HORMAD2: variants seen among roughly 807,000 people sequenced by gnomAD.
HORMAD2 encodes HORMA domain containing 2, also known as HORMA domain-containing protein 2.
Under a neutral mutation model 38.8 loss-of-function variants are expected in HORMAD2, and 45 were observed. The ratio of observed to expected loss-of-function variants is 1.16; its 90% CI spans 0.91 to 1.49. The LOEUF is 1.49. Ranked by LOEUF, HORMAD2 falls within the 40% of genes most tolerant of loss-of-function variation. The pLI, the probability that HORMAD2 is intolerant of heterozygous loss-of-function variation, is 0.00. For missense variants in HORMAD2, 338 were observed against 367.0 expected, an observed-to-expected ratio of 0.92 and a Z score of 0.65; for synonymous variants, 126 against 122.8, an observed-to-expected ratio of 1.03 and a Z score of -0.17.
rs573438840 is a variant in HORMAD2 at position 30,139,997 on chromosome 22, C to A, written c.819+17783C>A. Among the ~76,000 whole-genome samples, 61 of 151,468 alleles carry A rather than the reference C, an allele frequency of 4.0e-4. 1 individual carries two copies. In the Middle Eastern group the frequency reaches 0.024, roughly 59 times the overall value. On this transcript the variant is annotated intron_variant, in intron 10 of 10. Coordinates refer to ENST00000336726, the MANE Select transcript of HORMAD2 (RefSeq NM_152510.4). ...TGTATTTATATTGCTAGATGTTTTC[C>A]TAGTATTTTGTTGAGGATTTTTGTG...
chr22:30,086,615 G>C (rs541764142), intron 1 of HORMAD2, among the ~76,000 whole-genome samples: 1 of 152,090 alleles, frequency 6.6e-6, no homozygotes, highest in African/African-American at 2.4e-5. Flanking sequence ...ATGCATAGTC[G>C]AGTTTGTAAT....
In HORMAD2 at chr22:30,113,574, A is replaced by G. The variant is rs534226517; in HGVS notation, c.342+1052A>G. Reference sequence around the variant, plus strand: ...TTCTTGAGGACAAGAGTCTTGTCTCATAGTCTTGGACACATAATAGTTACT... The same window carrying G: ...TTCTTGAGGACAAGAGTCTTGTCTCGTAGTCTTGGACACATAATAGTTACT... On this transcript the variant is annotated intron_variant, in intron 7 of 10. Coordinates refer to ENST00000336726, the MANE Select transcript of HORMAD2 (RefSeq NM_152510.4). Among the ~76,000 whole-genome samples, 6 of 152,258 alleles carry G rather than the reference A, an allele frequency of 3.9e-5. No homozygotes were observed. In the South Asian group the frequency reaches 1.2e-3, roughly 32 times the overall value.
At chr22:30,189,517 G>A in the HORMAD2 span, among the ~76,000 whole-genome samples, 2 of 152,076 alleles carry the variant, frequency 1.3e-5, no homozygotes, top group Admixed American at 6.5e-5. Flanking sequence ...TCCTGGGGGT[G>A]GGGGATGGGT....
intron 10 of HORMAD2, among the ~76,000 whole-genome samples, chr22:30,168,150 C>T (rs749262778): frequency 3.3e-5 from 5 of 152,076 alleles, no homozygotes; most frequent in Admixed American, 1.3e-4. Context: ...TCCCATTGTC[C>T]AAATGACCAT....
At chr22:30,143,904 C>T (rs932553465) in intron 10 of HORMAD2, among the ~76,000 whole-genome samples, 1 of 152,138 alleles carries the variant, frequency 6.6e-6, no homozygotes, top group Non-Finnish European at 1.5e-5. Flanking sequence ...CTCTGTTGCT[C>T]CCACTCTTGC....
intron 1 of HORMAD2, among the ~76,000 whole-genome samples, chr22:30,089,359 T>G (rs2068640733): frequency 6.6e-6 from 1 of 151,580 alleles, no homozygotes; most frequent in Non-Finnish European, 1.5e-5. Flanking sequence ...CTGCTTCTTT[T>G]TTTTTTTTTT....
intron 10 of HORMAD2, among the ~76,000 whole-genome samples, chr22:30,133,966 T>C (rs1009949195): frequency 2.0e-5 from 3 of 152,074 alleles, no homozygotes; most frequent in African/African-American, 7.2e-5. Flanking sequence ...ACTACCTAGG[T>C]GTGCTTTTTT....
the HORMAD2 span, among the ~76,000 whole-genome samples, chr22:30,201,542 C>T: frequency 4.0e-5 from 6 of 151,876 alleles, no homozygotes; most frequent in African/African-American, 7.3e-5. Context: ...CTCAGCCTCC[C>T]GAGTAGCTGG....
chr22:30,133,715 C>T lies in HORMAD2; in HGVS notation c.819+11501C>T, dbSNP rs184148210. 4.6e-3 allele frequency among the ~76,000 whole-genome samples: 702 copies of T among 151,664 alleles called. 5 individuals are homozygous for T. Among genetic ancestry groups the T allele is most frequent in the Middle Eastern group, 0.038 (11 of 290 alleles). ...CTTTTTTTCTTGTCCCCCATGGTTC[C>T]CTAAACAATACAGTATAACTACATA... is the stretch of plus-strand genomic sequence containing the variant. On this transcript the variant is annotated intron_variant, in intron 10 of 10. Transcript: ENST00000336726.
At chr22:30,182,650 G>T in the HORMAD2 span, among the ~76,000 whole-genome samples, 1 of 152,202 alleles carries the variant, frequency 6.6e-6, no homozygotes, top group Non-Finnish European at 1.5e-5. Context: ...AATGAGCTGG[G>T]TGCAGTGGTG....
At chr22:30,139,312 CATAT>C (rs1268092791) in intron 10 of HORMAD2, among the ~76,000 whole-genome samples, 1 of 109,882 alleles carries the variant, frequency 9.1e-6, no homozygotes, top group Non-Finnish European at 1.8e-5. Flanking sequence ...TCTCTACATA[CATAT>C]ATATATATAA....
chr22:30,102,890 A>G (rs1441903487), intron 3 of HORMAD2, among the ~76,000 whole-genome samples: 1 of 152,166 alleles, frequency 6.6e-6, no homozygotes, highest in Non-Finnish European at 1.5e-5. Flanking sequence ...TCAGCCTCCC[A>G]AAGTGCTGGG....
chr22:30,148,359 A>G (rs1357083057), intron 10 of HORMAD2, among the ~76,000 whole-genome samples: 2 of 152,200 alleles, frequency 1.3e-5, no homozygotes, highest in African/African-American at 2.4e-5. Flanking sequence ...GGAAACAAAT[A>G]AGTGTTTGCC....
rs190985496 is a variant in HORMAD2, at chr22:30,163,938, A to G, written c.820-12125A>G. On this transcript the variant is annotated intron_variant, in intron 10 of 10. Transcript: ENST00000336726. ...CCAAACTGAAACTCTATACCCATTA[A>G]ACAATAATTCCTCATCTCCCTCTCC... Among the ~76,000 whole-genome samples the G allele has an allele frequency of 2.2e-4, 33 of 152,222 alleles. No homozygotes were observed. In the East Asian group the frequency reaches 2.3e-3, roughly 11 times the overall value.
chr22:30,094,593 T>C (rs146926809), intron 2 of HORMAD2, among the ~76,000 whole-genome samples: 1 of 152,332 alleles, frequency 6.6e-6, no homozygotes, highest in African/African-American at 2.4e-5. Flanking sequence ...GGTTAGGAGT[T>C]AAGTCAATAT....
At chr22:30,102,491 G>T (rs183997801) in intron 3 of HORMAD2, among the ~76,000 whole-genome samples, 1 of 152,242 alleles carries the variant, frequency 6.6e-6, no homozygotes, top group Non-Finnish European at 1.5e-5. Flanking sequence ...ATCAACATGG[G>T]ATAATTTTCA....
intron 5 of HORMAD2, chr22:30,105,360 C>T (rs754381576): frequency 6.8e-5 from 11 of 160,592 alleles, no homozygotes; most frequent in Non-Finnish European, 1.5e-4. Flanking sequence ...TTCTTGGTCA[C>T]CTTGTGGCCC....
rs368222762 is a variant in HORMAD2 at position 30,108,913 on chromosome 22, GCTCT to G, written c.295-2878_295-2875del. Among the ~76,000 whole-genome samples, 872 of 149,448 alleles carry G rather than the reference GCTCT, an allele frequency of 5.8e-3. 8 individuals carry two copies. The highest frequency in any genetic ancestry group is 0.017 in the African/African-American group (689 of 40,678). ...TTTTTCTTTTCTCTTTCTTTCTCTC[GCTCT>G]CTCTTTCTCTCCCTCCCTCCTTCTT... On this transcript the variant is annotated intron_variant, in intron 5 of 10. Transcript: ENST00000336726.
At chr22:30,100,859 G>C (rs200093920) in intron 3 of HORMAD2, among the ~76,000 whole-genome samples, 1 of 152,022 alleles carries the variant, frequency 6.6e-6, no homozygotes, top group South Asian at 2.1e-4. Context: ...TCGTTAGAGA[G>C]ATGCAAATCA....
Sources: allele counts gnomAD v4.1 joint callset (sites outside exome capture counted in the v4.1 genomes callset), GRCh38; gene constraint gnomAD v4.1.1; transcripts MANE v1.5; gene names NCBI Gene and HGNC (gene_info 2026-07-23, HGNC 2026-07-21).